The following NLGN1 variants were observed in gnomAD, a reference collection of about 807,000 sequenced individuals.
The protein encoded by NLGN1 is neuroligin-1.
A neutral mutation model predicts 65.5 loss-of-function variants in NLGN1; 12 were observed. That is an observed-to-expected ratio of 0.18 (90% CI 0.12 to 0.30). NLGN1 has a LOEUF of 0.30. Ranked by LOEUF, NLGN1 falls within the 10% of genes least tolerant of loss-of-function variation. The probability of loss-of-function intolerance (pLI) is 1.00; values close to 1 mark genes in which losing one functional copy is unlikely to be tolerated. For synonymous variants in NLGN1, 350 were observed against 359.5 expected (o/e 0.97, Z 0.30); for missense variants, 750 against 1,007.1 (o/e 0.74, Z 3.46).
chr3:174,015,061 T>C (rs1307990601), intron 4 of NLGN1, among the ~76,000 whole-genome samples: 1 of 152,190 alleles, frequency 6.6e-6, no homozygotes, highest in Non-Finnish European at 1.5e-5. Context: ...CATAGTCTTA[T>C]TTACCTTGTC....
At chr3:173,634,666 T>G (rs1395003881) in intron 3 of NLGN1, among the ~76,000 whole-genome samples, 1 of 152,278 alleles carries the variant, frequency 6.6e-6, no homozygotes, top group East Asian at 1.9e-4. Context: ...ATAGTATTAT[T>G]TTATTTATTG....
intron 4 of NLGN1, among the ~76,000 whole-genome samples, chr3:174,126,319 C>A (rs1325122717): frequency 6.6e-6 from 1 of 152,054 alleles, no homozygotes; most frequent in African/African-American, 2.4e-5. Flanking sequence ...AGGGCAAGCA[C>A]CAGACCATAG....
At chr3:173,572,196 G>C (rs1167909202) in intron 2 of NLGN1, among the ~76,000 whole-genome samples, 1 of 152,156 alleles carries the variant, frequency 6.6e-6, no homozygotes, top group Admixed American at 6.5e-5. Context: ...ATTTGAAAGT[G>C]TGACCTAGCC....
chr3:173,644,163 T>G (rs9840905), intron 3 of NLGN1: 77,761 of 152,346 alleles, frequency 0.51, 21,372 homozygotes, highest in East Asian at 0.71. Flanking sequence ...CTACCAGTTC[T>G]TCCTGCTGCA....
intron 4 of NLGN1, among the ~76,000 whole-genome samples, chr3:174,273,382 A>T (rs955413222): frequency 1.3e-5 from 2 of 151,694 alleles, no homozygotes; most frequent in African/African-American, 2.4e-5. Flanking sequence ...TTGTTTTCAG[A>T]GTTCATGCCA....
rs1256240213 is a variant in NLGN1, at chr3:173,510,193, G to A, written c.-321+75115G>A. Among the ~76,000 whole-genome samples, 5 of 152,162 alleles carry A rather than the reference G, an allele frequency of 3.3e-5. No individual in the cohort carries two copies. In the East Asian group the frequency reaches 9.6e-4, roughly 29 times the overall value. ...TTTGTGAATAGAGAAGAAGCCTGCT[G>A]GAGAACAAGTAGAGAAACTGAGACT... On this transcript the variant is annotated intron_variant, in intron 2 of 6. Transcript: ENST00000457714.
At chr3:173,757,410 T>C (rs1448167996) in intron 3 of NLGN1, among the ~76,000 whole-genome samples, 1 of 152,022 alleles carries the variant, frequency 6.6e-6, no homozygotes, top group Non-Finnish European at 1.5e-5. Flanking sequence ...TTAGAGCTAA[T>C]TGATAGTTTA....
intron 4 of NLGN1, among the ~76,000 whole-genome samples, chr3:174,068,279 A>G (rs1437748870): frequency 6.6e-6 from 1 of 152,136 alleles, no homozygotes; most frequent in African/African-American, 2.4e-5. Flanking sequence ...ATAGGTATCC[A>G]TAGGAAAGCT....
intron 4 of NLGN1, among the ~76,000 whole-genome samples, chr3:174,053,863 G>T (rs1317048899): frequency 6.6e-6 from 1 of 151,710 alleles, no homozygotes; most frequent in African/African-American, 2.4e-5. Flanking sequence ...GATTTTCTTT[G>T]CTTATATTGA....
chr3:173,855,033 C>T (rs904924556), intron 4 of NLGN1, among the ~76,000 whole-genome samples: 1 of 151,968 alleles, frequency 6.6e-6, no homozygotes, highest in Non-Finnish European at 1.5e-5. Context: ...ATGTACCATG[C>T]CACATTTTTA....
chr3:173,903,772 T>C lies in NLGN1; in HGVS notation c.646+95940T>C, dbSNP rs76607028. Among the ~76,000 whole-genome samples, 1,154 of 152,292 alleles carry C rather than the reference T, an allele frequency of 7.6e-3. 17 individuals carry two copies. The highest frequency in any genetic ancestry group is 0.026 in the African/African-American group (1,089 of 41,572). ...AGCTGGGACAGTTAGTCTTCTATTT[T>C]AAAGTCTCAAATGAGAGTTGGTGTC... On this transcript the variant is annotated intron_variant, in intron 4 of 6. Coordinates refer to ENST00000457714, the Ensembl canonical transcript of NLGN1.
chr3:173,849,919 A>C (rs139331505), intron 4 of NLGN1, among the ~76,000 whole-genome samples: 52 of 152,316 alleles, frequency 3.4e-4, no homozygotes, highest in East Asian at 1.7e-3. Context: ...AATGTAATAC[A>C]GTAATATACT....
chr3:174,252,496 C>G (rs983131472), intron 4 of NLGN1, among the ~76,000 whole-genome samples: 3 of 151,958 alleles, frequency 2.0e-5, no homozygotes, highest in African/African-American at 7.3e-5. Context: ...AAATCCACAA[C>G]CTATTTTTTT....
intron 2 of NLGN1, among the ~76,000 whole-genome samples, chr3:173,470,024 G>A (rs371290954): frequency 2.6e-5 from 4 of 151,714 alleles, no homozygotes; most frequent in African/African-American, 7.2e-5. Flanking sequence ...AAGCATTTGA[G>A]GGTGACCCTC....
At chr3:173,435,657 A>T (rs142399857) in intron 2 of NLGN1, among the ~76,000 whole-genome samples, 2 of 152,192 alleles carry the variant, frequency 1.3e-5, no homozygotes, top group African/African-American at 4.8e-5. Flanking sequence ...CAACATGGTG[A>T]AACCTTATCT....
At chr3:173,735,857 A>G (rs1773659791) in intron 3 of NLGN1, among the ~76,000 whole-genome samples, 1 of 152,076 alleles carries the variant, frequency 6.6e-6, no homozygotes, top group South Asian at 2.1e-4. Context: ...TTTGCATATA[A>G]ATATTATTTT....
At chr3:174,034,720 G>T (rs756667469) in intron 4 of NLGN1, among the ~76,000 whole-genome samples, 2 of 152,052 alleles carry the variant, frequency 1.3e-5, no homozygotes, top group Admixed American at 6.6e-5. Flanking sequence ...AAAAGAATCA[G>T]ATAAAATGCT....
At chr3:173,904,003 G>T (rs1257519776) in intron 4 of NLGN1, among the ~76,000 whole-genome samples, 1 of 151,766 alleles carries the variant, frequency 6.6e-6, no homozygotes, top group Non-Finnish European at 1.5e-5. Context: ...TGAAGTAGAG[G>T]TTTACTTTTC....
chr3:173,772,594 G>C (rs1779740356), intron 3 of NLGN1, among the ~76,000 whole-genome samples: 2 of 152,152 alleles, frequency 1.3e-5, no homozygotes, highest in African/African-American at 4.8e-5. Context: ...CTCCAGCCTG[G>C]GCAACAGGAG....
Sources: allele counts gnomAD v4.1 joint callset (sites outside exome capture counted in the v4.1 genomes callset), GRCh38; gene constraint gnomAD v4.1.1; transcripts MANE v1.5; gene names NCBI Gene and HGNC (gene_info 2026-07-23, HGNC 2026-07-21).